NR6A1: variants seen among roughly 807,000 people sequenced by gnomAD.
The protein encoded by NR6A1 is nuclear receptor subfamily 6 group A member 1.
NR6A1 carries 7 observed loss-of-function variants against 59.1 expected under a neutral mutation model. The ratio of observed to expected loss-of-function variants is 0.12; its 90% CI spans 0.07 to 0.22. The LOEUF is 0.22. Among genes scored for constraint, NR6A1 ranks in the 10% least tolerant of loss-of-function variants. The probability of loss-of-function intolerance (pLI) is 1.00; values close to 1 mark genes in which losing one functional copy is unlikely to be tolerated. For missense variants in NR6A1, 468 were observed against 611.6 expected (o/e 0.77, Z 2.48); for synonymous variants, 243 against 236.1 (o/e 1.03, Z -0.27).
chr9:124,689,665 C>T (rs1838459700), intron 2 of NR6A1, among the ~76,000 whole-genome samples: 1 of 152,172 alleles, frequency 6.6e-6, no homozygotes, highest in South Asian at 2.1e-4. Context: ...AATCTCACTA[C>T]TCACCATTAC....
At chr9:124,615,333 GAA>G (rs1326716367) in intron 2 of NR6A1, among the ~76,000 whole-genome samples, 6 of 152,170 alleles carry the variant, frequency 3.9e-5, no homozygotes, top group Admixed American at 6.5e-5. Context: ...CCTCTGAGAG[GAA>G]ACTGGAGTAG....
At position 124,708,154 on chromosome 9, in the gene NR6A1, C is replaced by T. The variant is rs557087018; in HGVS notation, c.142+25154G>A. Among the ~76,000 whole-genome samples the T allele has an allele frequency of 1.6e-4, 24 of 152,326 alleles. No homozygotes were observed. The South Asian group carries it at 4.8e-3, about 30-fold the overall frequency. The stretch of plus-strand genomic sequence containing the variant: ...CCACTGTTTATCCTAAACAGAACTG[C>T]AACCTCAGAGTAGCAGATTTGCTGG... On this transcript the variant is annotated intron_variant, in intron 2 of 9. Transcript: ENST00000487099.
At chr9:124,660,804 T>C (rs2130941578) in intron 2 of NR6A1, among the ~76,000 whole-genome samples, 1 of 152,302 alleles carries the variant, frequency 6.6e-6, no homozygotes, top group South Asian at 2.1e-4. Flanking sequence ...GGGAACTTCA[T>C]TCAATGCCCT....
chr9:124,701,369 T>A (rs1217088589), intron 2 of NR6A1, among the ~76,000 whole-genome samples: 1 of 152,248 alleles, frequency 6.6e-6, no homozygotes, highest in Non-Finnish European at 1.5e-5. Context: ...CTTTTACCCA[T>A]GTTTTCATAT....
At chr9:124,747,284 G>C (rs1033009075) in intron 1 of NR6A1, among the ~76,000 whole-genome samples, 1 of 149,058 alleles carries the variant, frequency 6.7e-6, no homozygotes, top group Admixed American at 6.8e-5. Context: ...CGACCTCCCA[G>C]GCTCAAGGGA....
At chr9:124,550,711 A>G (rs781345622) in intron 3 of NR6A1, among the ~76,000 whole-genome samples, 5 of 151,498 alleles carry the variant, frequency 3.3e-5, no homozygotes, top group African/African-American at 7.3e-5. Flanking sequence ...ATTTATATTT[A>G]TATTTTTAGA....
chr9:124,666,544 G>T (rs1204321490), intron 2 of NR6A1, among the ~76,000 whole-genome samples: 1 of 152,186 alleles, frequency 6.6e-6, no homozygotes, highest in African/African-American at 2.4e-5. Context: ...CTTCCAAAGT[G>T]CTGGGATTAC....
intron 2 of NR6A1, among the ~76,000 whole-genome samples, chr9:124,622,540 G>A (rs537312016): frequency 6.6e-6 from 1 of 152,178 alleles, no homozygotes; most frequent in African/African-American, 2.4e-5. Context: ...ATTCTCTGAG[G>A]AGAAATGTCT....
intron 2 of NR6A1, 64 bp from the exon 3 acceptor site, chr9:124,554,634 A>G: frequency 6.2e-7 from 1 of 1,604,176 alleles, no homozygotes. Context: ...TCCTAAAGTG[A>G]GCAACTCTGC....
intron 2 of NR6A1, among the ~76,000 whole-genome samples, chr9:124,723,453 G>C (rs1479368185): frequency 6.6e-6 from 1 of 152,226 alleles, no homozygotes; most frequent in Non-Finnish European, 1.5e-5. Context: ...AGCAGCATAT[G>C]AGCTCTTCTA....
chr9:124,517,293 A>G lies in NR6A1; in HGVS notation c.*5412T>C, dbSNP rs1832707709. 6.6e-6 allele frequency: 1 copy of G among 152,318 alleles called. No homozygotes were observed. Among genetic ancestry groups the G allele is most frequent in the Non-Finnish European group, 1.5e-5 (1 of 68,098 alleles). 9.4% of individuals were successfully genotyped at this position (152,318 alleles called of 1,614,324 possible). On this transcript the variant is annotated 3_prime_UTR_variant, in exon 10 of 10. Coordinates refer to ENST00000487099, the MANE Select transcript of NR6A1 (RefSeq NM_033334.4). ...ACAGATGCCATGTGCAGAAGGATTC[A>G]CATTTATTGGTTCAAATACAGTACC...
At chr9:124,682,914 T>G (rs1323196704) in intron 2 of NR6A1, among the ~76,000 whole-genome samples, 1 of 152,188 alleles carries the variant, frequency 6.6e-6, no homozygotes, top group African/African-American at 2.4e-5. Context: ...CAGTCAAGAC[T>G]TGAATCCAAG....
At chr9:124,598,808 G>T in intron 2 of NR6A1, 2 of 859,084 alleles carry the variant, frequency 2.3e-6, no homozygotes, top group Non-Finnish European at 3.9e-6. Context: ...TTTTTTGCCG[G>T]ATCTTTTCTT....
intron 1 of NR6A1, among the ~76,000 whole-genome samples, chr9:124,751,330 C>A (rs903745666): frequency 6.6e-6 from 1 of 152,226 alleles, no homozygotes; most frequent in Non-Finnish European, 1.5e-5. Context: ...AACAGTTCAA[C>A]ATATCCTCTA....
intron 2 of NR6A1, among the ~76,000 whole-genome samples, chr9:124,619,081 G>A (rs1835984711): frequency 6.6e-6 from 1 of 152,062 alleles, no homozygotes; most frequent in Non-Finnish European, 1.5e-5. Context: ...TCATAATAGA[G>A]AACAAATAAA....
chr9:124,530,211 AC>A (rs1244548297), intron 7 of NR6A1, among the ~76,000 whole-genome samples: 7 of 152,000 alleles, frequency 4.6e-5, no homozygotes, highest in Non-Finnish European at 1.0e-4. Flanking sequence ...TCTCTTGCGG[AC>A]AGCACATCCT....
intron 7 of NR6A1, among the ~76,000 whole-genome samples, chr9:124,528,950 G>A (rs560797759): frequency 6.6e-6 from 1 of 152,186 alleles, no homozygotes. Flanking sequence ...AACATCTGTA[G>A]ATTTTGGCAT....
chr9:124,543,415 A>G (rs1213789523), intron 4 of NR6A1, among the ~76,000 whole-genome samples: 2 of 152,204 alleles, frequency 1.3e-5, no homozygotes, highest in Non-Finnish European at 2.9e-5. Context: ...CTACTCTACA[A>G]TAAGACAATA....
chr9:124,557,008 C>T (rs1833949016), intron 2 of NR6A1, among the ~76,000 whole-genome samples: 1 of 152,136 alleles, frequency 6.6e-6, no homozygotes, highest in African/African-American at 2.4e-5. Flanking sequence ...TATGGAAAGA[C>T]TGCCTAGGTT....
Sources: allele counts gnomAD v4.1 joint callset (sites outside exome capture counted in the v4.1 genomes callset), GRCh38; gene constraint gnomAD v4.1.1; transcripts MANE v1.5; gene names NCBI Gene and HGNC (gene_info 2026-07-23, HGNC 2026-07-21).